Variants in FIBCD1 observed in about 807,000 individuals in gnomAD.
FIBCD1 encodes the protein fibrinogen C domain containing 1.
FIBCD1 carries 47 observed loss-of-function variants against 45.1 expected under a neutral mutation model. That is an observed-to-expected ratio of 1.04 (90% CI 0.82 to 1.33). FIBCD1 has a LOEUF of 1.33. Among genes scored for constraint, FIBCD1 ranks in the 40% most tolerant of loss-of-function variants. FIBCD1 has a pLI of 0.00. For missense variants in FIBCD1, 653 were observed against 682.2 expected, an observed-to-expected ratio of 0.96 and a Z score of 0.48; for synonymous variants, 313 against 308.1, an observed-to-expected ratio of 1.02 and a Z score of -0.17.
At chr9:130,908,086 C>T (rs1831967003) in intron 5 of FIBCD1, among the ~76,000 whole-genome samples, 1 of 151,992 alleles carries the variant, frequency 6.6e-6, no homozygotes, top group Admixed American at 6.5e-5. Flanking sequence ...AATAACATGA[C>T]CCCACAAAAG....
intron 1 of FIBCD1, among the ~76,000 whole-genome samples, chr9:130,930,582 C>T (rs565858086): frequency 2.0e-5 from 3 of 152,112 alleles, no homozygotes; most frequent in Non-Finnish European, 2.9e-5. Context: ...CCACCCACCT[C>T]CCCCCATGCC....
intron 4 of FIBCD1, among the ~76,000 whole-genome samples, chr9:130,919,189 C>G (rs1217441626): frequency 6.6e-6 from 1 of 152,218 alleles, no homozygotes; most frequent in South Asian, 2.1e-4. Flanking sequence ...TTGAAAAACC[C>G]AAACTGCTCC....
intron 5 of FIBCD1, 145 bp from the exon 6 acceptor site, chr9:130,905,558 T>A: frequency 1.2e-6 from 1 of 808,162 alleles, no homozygotes; most frequent in Non-Finnish European, 1.9e-6. Context: ...CCTGGGCTAC[T>A]TCCTTCTTCC....
intron 6 of FIBCD1, 73 bp downstream of exon 6, chr9:130,905,161 G>A: frequency 7.0e-7 from 1 of 1,432,370 alleles, no homozygotes; most frequent in Non-Finnish European, 9.5e-7. Context: ...CATTTTGGAG[G>A]GCAGGACCTC....
At chr9:130,936,447 G>A (rs898111665) in intron 1 of FIBCD1, 1 of 152,350 alleles carries the variant, frequency 6.6e-6, no homozygotes, top group Non-Finnish European at 1.5e-5. Context: ...GAGGGGAAGC[G>A]GGTGCTTGCT....
chr9:130,918,037 T>C (rs1308391454), intron 4 of FIBCD1, among the ~76,000 whole-genome samples: 1 of 151,958 alleles, frequency 6.6e-6, no homozygotes, highest in African/African-American at 2.4e-5. Flanking sequence ...CCCTCAAAGC[T>C]CACAGCCCCA....
chr9:130,919,992 G>A lies in FIBCD1; in HGVS notation c.849+3752C>T, dbSNP rs150565800. 2.7e-3 allele frequency among the ~76,000 whole-genome samples: 412 copies of A among 152,200 alleles called. 2 individuals are homozygous for A. The highest frequency in any genetic ancestry group is 6.0e-3 in the South Asian group (29 of 4,818). On this transcript the variant is annotated intron_variant, in intron 4 of 6. Transcript: ENST00000372338. ...GGGCAGGGAGGCTGGGTGGGGGCGG[G>A]GAGCCCAGGCACTGAGGCTGAGCAG...
chr9:130,913,171 C>T (rs1832094374), intron 4 of FIBCD1, among the ~76,000 whole-genome samples: 1 of 152,206 alleles, frequency 6.6e-6, no homozygotes, highest in African/African-American at 2.4e-5. Flanking sequence ...GCCAGAGCTG[C>T]CTGGAGTATT....
At chr9:130,934,376 G>A (rs531623980) in intron 1 of FIBCD1, among the ~76,000 whole-genome samples, 6 of 152,304 alleles carry the variant, frequency 3.9e-5, no homozygotes, top group East Asian at 3.9e-4. Flanking sequence ...AGATCTGAGC[G>A]GGAACCGCCA....
chr9:130,904,226 G>A lies in FIBCD1; in HGVS notation c.1224C>T (p.Ala408=). 1.9e-5 allele frequency: 30 copies of A among 1,613,790 alleles called. No individual in the cohort carries two copies. The highest frequency in any genetic ancestry group is 2.5e-5 in the Non-Finnish European group (29 of 1,180,008). Residue 408 remains alanine (A), a synonymous_variant, in exon 7 of 7, where the codon GCC becomes GCT. Coordinates refer to ENST00000372338, the MANE Select transcript of FIBCD1 (RefSeq NM_032843.5). ...ENNCAAFYRG[A]WWYRNCHTSN... ...ACGTGTGGCAGTTGCGGTACCACCA[G>A]GCACCGCGGTAGAAGGCGGCACAGT...
chr9:130,924,473 C>T, intron 2 of FIBCD1, 77 bp from the exon 3 acceptor site: 2 of 1,359,700 alleles, frequency 1.5e-6, no homozygotes, highest in Non-Finnish European at 2.0e-6. Flanking sequence ...AGGTCACTGG[C>T]CAGAGTGGGC....
intron 6 of FIBCD1, 118 bp downstream of exon 6, chr9:130,905,116 T>C: frequency 1.0e-6 from 1 of 1,000,546 alleles, no homozygotes; most frequent in Middle Eastern, 3.0e-4. Context: ...AAAACCTGAT[T>C]ACTTTCAAAG....
At chr9:130,928,744 C>T (rs1203823823) in intron 2 of FIBCD1, among the ~76,000 whole-genome samples, 1 of 151,990 alleles carries the variant, frequency 6.6e-6, no homozygotes, top group South Asian at 2.1e-4. Flanking sequence ...GAACGTGGCA[C>T]AGGGCCAGGG....
At chr9:130,924,474 CAG>C in intron 2 of FIBCD1, 78 bp from the exon 3 acceptor site, 1 of 1,363,822 alleles carries the variant, frequency 7.3e-7, no homozygotes, top group African/African-American at 1.4e-5. Flanking sequence ...GGTCACTGGC[CAG>C]AGTGGGCCCT....
At chr9:130,934,097 G>A (rs1832483541) in intron 1 of FIBCD1, among the ~76,000 whole-genome samples, 1 of 152,174 alleles carries the variant, frequency 6.6e-6, no homozygotes, top group South Asian at 2.1e-4. Context: ...AGCCTGGGCA[G>A]GGGGCTTATG....
At position 130,922,034 on chromosome 9, in the gene FIBCD1, C is replaced by T. The variant is rs1832270677; in HGVS notation, c.849+1710G>A. ...CCTGCCTCTGCTGGGGACCGCTGACCCCTTTCAAAACTGACCCAGGCTGCC... is the reference window on the plus strand; with the variant it reads ...CCTGCCTCTGCTGGGGACCGCTGACTCCTTTCAAAACTGACCCAGGCTGCC... On this transcript the variant is annotated intron_variant, in intron 4 of 6. Coordinates refer to ENST00000372338, the MANE Select transcript of FIBCD1 (RefSeq NM_032843.5). The surrounding 1 kb of genome is among the most constrained non-coding windows in gnomAD (Gnocchi z 4.5). Among the ~76,000 whole-genome samples, 1 of 152,200 alleles carries T rather than the reference C, an allele frequency of 6.6e-6. No homozygotes were observed. Among genetic ancestry groups the T allele is most frequent in the South Asian group, 2.1e-4 (1 of 4,826 alleles).
At chr9:130,909,131 C>T (rs1231045592) in intron 5 of FIBCD1, among the ~76,000 whole-genome samples, 1 of 152,096 alleles carries the variant, frequency 6.6e-6, no homozygotes, top group Non-Finnish European at 1.5e-5. Flanking sequence ...CGCTCGCTCG[C>T]AGGGGAGTTC....
In FIBCD1 at chr9:130,930,029, G is replaced by A. The variant is rs376376882; in HGVS notation, c.90C>T (p.Tyr30=). The A allele has an allele frequency of 2.0e-4, 308 of 1,505,982 alleles. 1 individual carries two copies. The Middle Eastern group carries it at 2.2e-3, about 11-fold the overall frequency. The allele number at this position is 1,505,982 out of a possible 1,614,324, so 93.3% of individuals were successfully genotyped here. The change falls in exon 2 of 7, where the codon TAC becomes TAT. Residue 30 remains tyrosine (Y), a synonymous_variant. Transcript: ENST00000372338. ...RDKPQRPSCG[Y]VLCTVLLALA... is the part of the protein sequence containing the mutation. ...GGGCCAGCAGCACGGTGCACAGCACGTAGCCGCAGCTCGGCCGCTGCAGGC... is the reference window on the plus strand; with the variant it reads ...GGGCCAGCAGCACGGTGCACAGCACATAGCCGCAGCTCGGCCGCTGCAGGC...
chr9:130,931,144 G>A (rs1161863209), intron 1 of FIBCD1, among the ~76,000 whole-genome samples: 2 of 152,164 alleles, frequency 1.3e-5, no homozygotes, highest in African/African-American at 2.4e-5. Context: ...TGGAGAAGAG[G>A]CCTGCTGCCC....
Sources: gnomAD v4.1 joint callset for allele counts (sites outside exome capture counted in the v4.1 genomes callset) on GRCh38, gnomAD v4.1.1 for gene constraint, Gnocchi (gnomAD v3.1) non-coding constraint, MANE v1.5 for transcripts, NCBI Gene and HGNC (gene_info 2026-07-23, HGNC 2026-07-21) for gene names.